PRKACB: variants seen among roughly 807,000 people sequenced by gnomAD.
The protein encoded by PRKACB is cAMP-dependent protein kinase catalytic subunit beta.
A neutral mutation model predicts 51.4 loss-of-function variants in PRKACB; 16 were observed. The ratio of observed to expected loss-of-function variants is 0.31; its 90% CI spans 0.21 to 0.47. The LOEUF is 0.47. Ranked by LOEUF, PRKACB falls within the 20% of genes least tolerant of loss-of-function variation. PRKACB has a pLI of 1.00. For missense variants in PRKACB, 309 were observed against 464.5 expected, an observed-to-expected ratio of 0.67 and a Z score of 3.08; for synonymous variants, 147 against 154.4, an observed-to-expected ratio of 0.95 and a Z score of 0.35.
At chr1:84,143,324 C>T (rs1393440984), upstream of PRKACB, among the ~76,000 whole-genome samples, 2 of 152,020 alleles carry the variant, frequency 1.3e-5, no homozygotes, top group Non-Finnish European at 2.9e-5. Context: ...TGGTGGTGCG[C>T]GCCTATAATC....
chr1:84,179,303 T>G, intron 2 of PRKACB, 65 bp downstream of exon 2: 3 of 1,448,186 alleles, frequency 2.1e-6, no homozygotes, highest in Non-Finnish European at 1.8e-6. Flanking sequence ...GATTCTTGCC[T>G]AAGAAATTTA....
intron 1 of PRKACB, chr1:84,086,314 TGGCCCCTGG>T: frequency 1.1e-6 from 1 of 889,462 alleles, no homozygotes. Flanking sequence ...CCCTCCTGTC[TGGCCCCTGG>T]GGCCCAGGCT....
chr1:84,227,633 G>C (rs936799791), intron 9 of PRKACB, among the ~76,000 whole-genome samples: 7 of 152,160 alleles, frequency 4.6e-5, no homozygotes, highest in Non-Finnish European at 1.0e-4. Context: ...CAGAGGGCTT[G>C]ACTTATCCCA....
At chr1:84,204,756 A>C in intron 8 of PRKACB, 2 of 859,548 alleles carry the variant, frequency 2.3e-6, no homozygotes, top group East Asian at 1.1e-4. Context: ...TTTTATTTAT[A>C]TTCATATAAG....
chr1:84,110,103 A>T (rs1012215415), intron 1 of PRKACB, among the ~76,000 whole-genome samples: 1 of 151,956 alleles, frequency 6.6e-6, no homozygotes, highest in Non-Finnish European at 1.5e-5. Context: ...TTTTCCCATA[A>T]AAACATGATA....
At chr1:84,086,236 A>G in intron 1 of PRKACB, 1 of 1,572,954 alleles carries the variant, frequency 6.4e-7, no homozygotes, top group East Asian at 2.2e-5. Flanking sequence ...TTGGCTGACA[A>G]GCAAGGACAA....
chr1:84,178,997 T>G, intron 1 of PRKACB, 180 bp from the exon 2 acceptor site: 1 of 588,972 alleles, frequency 1.7e-6, no homozygotes, highest in East Asian at 4.0e-5. Flanking sequence ...CTTAGAGATT[T>G]GAGAAGGTTC....
intron 1 of PRKACB, among the ~76,000 whole-genome samples, chr1:84,138,989 A>G (rs1653114775): frequency 6.6e-6 from 1 of 152,158 alleles, no homozygotes; most frequent in Non-Finnish European, 1.5e-5. Context: ...GCATCCTCCT[A>G]AGATAACTCT....
intron 8 of PRKACB, among the ~76,000 whole-genome samples, chr1:84,206,879 T>C (rs1671417406): frequency 1.3e-5 from 2 of 152,164 alleles, no homozygotes; most frequent in Non-Finnish European, 2.9e-5. Context: ...AGGGTAGCAG[T>C]CTCAGGCCTA....
At chr1:84,198,523 TTAAAA>T (rs1343379477) in intron 7 of PRKACB, among the ~76,000 whole-genome samples, 1 of 152,072 alleles carries the variant, frequency 6.6e-6, no homozygotes, top group East Asian at 1.9e-4. Context: ...TATAGAAGTG[TTAAAA>T]TAAAAGATTT....
intron 1 of PRKACB, among the ~76,000 whole-genome samples, chr1:84,111,962 T>C (rs949866492): frequency 2.0e-5 from 3 of 152,160 alleles, no homozygotes; most frequent in Non-Finnish European, 4.4e-5. Flanking sequence ...AGCTGCTTAG[T>C]AGTCAAGAAG....
intron 2 of PRKACB, among the ~76,000 whole-genome samples, chr1:84,181,134 C>T (rs1435478808): frequency 6.6e-6 from 1 of 151,836 alleles, no homozygotes; most frequent in Non-Finnish European, 1.5e-5. Flanking sequence ...CTGTAATGAT[C>T]CAACAGAAAG....
intron 2 of PRKACB, among the ~76,000 whole-genome samples, chr1:84,181,025 A>T (rs924493161): frequency 3.9e-4 from 59 of 151,958 alleles, no homozygotes; most frequent in Non-Finnish European, 7.1e-4. Context: ...CTGTGTTGAT[A>T]AAAAAATCTT....
chr1:84,149,731 A>G (rs1654593463), intron 1 of PRKACB, among the ~76,000 whole-genome samples: 1 of 152,202 alleles, frequency 6.6e-6, no homozygotes, highest in Non-Finnish European at 1.5e-5. Flanking sequence ...AAAAAATGCC[A>G]TGATAAACAT....
At chr1:84,147,333 A>G (rs1340853462) in intron 1 of PRKACB, among the ~76,000 whole-genome samples, 1 of 151,970 alleles carries the variant, frequency 6.6e-6, no homozygotes, top group Non-Finnish European at 1.5e-5. Flanking sequence ...TACCTTTGCA[A>G]ATTTTATACA....
Position 84,235,213 on chromosome 1 carries a change from T to G in PRKACB, c.1105T>G (p.Ser369Ala). 6.2e-7 allele frequency: 1 copy of G among 1,614,058 alleles called. No homozygotes were observed. Among genetic ancestry groups the G allele is most frequent in the Non-Finnish European group, 8.5e-7 (1 of 1,179,902 alleles). The change falls in exon 10 of 10, where the codon TCT becomes GCT. Residue 369 changes from serine (S) to alanine (A), a missense_variant. Physicochemically the swap from Ser to Ala is moderately conservative, Grantham distance 99. Transcript: ENST00000370685. ...TCCATTCATACCAAAGTTTAGAGGC[T>G]CTGGAGATACCAGCAACTTTGATGA... Reference protein sequence around the residue: ...EAPFIPKFRGSGDTSNFDDYE... With the variant: ...EAPFIPKFRGAGDTSNFDDYE...
At chr1:84,161,435 T>G (rs528398130) in intron 1 of PRKACB, among the ~76,000 whole-genome samples, 1 of 152,024 alleles carries the variant, frequency 6.6e-6, no homozygotes, top group East Asian at 1.9e-4. Context: ...GCCTTTTGAT[T>G]TGTGTTTCTT....
intron 1 of PRKACB, among the ~76,000 whole-genome samples, chr1:84,127,258 G>C (rs547440273): frequency 6.6e-6 from 1 of 152,262 alleles, no homozygotes; most frequent in African/African-American, 2.4e-5. Context: ...TTACAAAATA[G>C]TAATCTATCA....
At chr1:84,079,352 A>G (rs575936248) in intron 1 of PRKACB, among the ~76,000 whole-genome samples, 1 of 152,282 alleles carries the variant, frequency 6.6e-6, no homozygotes, top group South Asian at 2.1e-4. Context: ...GGGCCTGGTG[A>G]TTTTAGTTTG....
Sources: gnomAD v4.1 joint callset for allele counts (sites outside exome capture counted in the v4.1 genomes callset) on GRCh38, gnomAD v4.1.1 for gene constraint, MANE v1.5 for transcripts, NCBI Gene and HGNC (gene_info 2026-07-23, HGNC 2026-07-21) for gene names.